Variants in KLHL24 observed in about 807,000 individuals in gnomAD.
The protein encoded by KLHL24 is kelch-like protein 24.
KLHL24 carries 29 observed loss-of-function variants against 53.4 expected under a neutral mutation model. The observed-to-expected ratio is 0.54, with a 90% confidence interval of 0.40 to 0.74. The LOEUF (loss-of-function observed/expected upper bound fraction) is 0.74, where lower values mean the gene tolerates loss of function less well. Among genes scored for constraint, KLHL24 ranks in the 30% least tolerant of loss-of-function variants. The pLI is 0.00. For synonymous variants in KLHL24, 222 were observed against 253.7 expected (o/e 0.88, Z 1.19); for missense variants, 504 against 744.0 (o/e 0.68, Z 3.75).
At position 183,650,284 on chromosome 3, in the gene KLHL24, T is replaced by C; in HGVS notation, c.-61-12T>C. ...TTTGCATATTGAAATGTTTTCCTTT[T>C]TTTACTTTTAGCCACATAAAGAAGA... On this transcript the variant is annotated splice_polypyrimidine_tract_variant and intron_variant, in intron 2 of 7. Coordinates refer to ENST00000242810, the MANE Select transcript of KLHL24 (RefSeq NM_017644.3). The surrounding 1 kb of genome is among the most constrained non-coding windows in gnomAD (Gnocchi z 4.5). 2.4e-6 allele frequency: 3 copies of C among 1,229,870 alleles called. No individual in the cohort carries two copies. The highest frequency in any genetic ancestry group is 3.4e-6 in the Non-Finnish European group (3 of 881,230). The allele number at this position is 1,229,870 out of a possible 1,614,324, so 76.2% of individuals were successfully genotyped here.
Position 183,641,493 on chromosome 3 carries a change from AAG to A in KLHL24, c.-124-1985_-124-1984del, listed in dbSNP as rs1553830683. Among the ~76,000 whole-genome samples the A allele has an allele frequency of 3.9e-5, 6 of 151,970 alleles. No homozygotes were observed. The East Asian group carries it at 1.2e-3, about 29-fold the overall frequency. ...CTGTCTCAAAAAAAAAAAAAAAAAAAAGATTTACTATATTGCAATTATTTTCT... is the reference window on the plus strand; with the variant it reads ...CTGTCTCAAAAAAAAAAAAAAAAAAAATTTACTATATTGCAATTATTTTCT... On this transcript the variant is annotated intron_variant, in intron 1 of 7. Coordinates refer to ENST00000242810, the MANE Select transcript of KLHL24 (RefSeq NM_017644.3).
At chr3:183,671,245 A>T (rs1208636151) in intron 6 of KLHL24, 23 bp downstream of exon 6, 1 of 1,586,584 alleles carries the variant, frequency 6.3e-7, no homozygotes, top group Non-Finnish European at 8.6e-7. Context: ...CTTTTAAAGA[A>T]ATTACCAATA....
chr3:183,641,358 G>T (rs929601580), intron 1 of KLHL24, among the ~76,000 whole-genome samples: 1 of 151,076 alleles, frequency 6.6e-6, no homozygotes, highest in African/African-American at 2.4e-5. Context: ...CACACCTGTA[G>T]TCCCAGCTAC....
At chr3:183,653,144 G>T (rs1401079758) in intron 3 of KLHL24, among the ~76,000 whole-genome samples, 1 of 152,112 alleles carries the variant, frequency 6.6e-6, no homozygotes, top group Non-Finnish European at 1.5e-5. Context: ...TTTATAAATT[G>T]CAGTATCACC....
chr3:183,674,378 G>C (rs1200929307), intron 7 of KLHL24, among the ~76,000 whole-genome samples: 1 of 131,810 alleles, frequency 7.6e-6, no homozygotes, highest in East Asian at 2.2e-4. Context: ...TTCTTTTTTT[G>C]AGACGGAGTT....
At chr3:183,673,888 A>G (rs1001481781) in intron 7 of KLHL24, among the ~76,000 whole-genome samples, 2 of 152,182 alleles carry the variant, frequency 1.3e-5, no homozygotes, top group Non-Finnish European at 2.9e-5. Context: ...CCAAGTCTGT[A>G]TCGCCATCAA....
chr3:183,651,892 T>C (rs1718170558), intron 3 of KLHL24, among the ~76,000 whole-genome samples: 1 of 151,178 alleles, frequency 6.6e-6, no homozygotes, highest in Non-Finnish European at 1.5e-5. Context: ...GAGGATGCTG[T>C]GAGCCATGCT....
In KLHL24 at chr3:183,663,692, A is replaced by G. The variant is rs1720114660; in HGVS notation, c.1105+50A>G. On this transcript the variant is annotated intron_variant, in intron 4 of 7. Coordinates refer to ENST00000242810, the MANE Select transcript of KLHL24 (RefSeq NM_017644.3). The surrounding 1 kb of genome is among the most constrained non-coding windows in gnomAD (Gnocchi z 4.9). ...CTACTTTTAATTTGGACACAGCTTC[A>G]TTATTTTAAACATCAACAGTGTCTT... 9.2e-7 allele frequency: 1 copy of G among 1,083,494 alleles called. No homozygotes were observed. Among genetic ancestry groups the G allele is most frequent in the Non-Finnish European group, 1.3e-6 (1 of 775,346 alleles). The allele number at this position is 1,083,494 out of a possible 1,614,324, so 67.1% of individuals were successfully genotyped here.
At position 183,682,567 on chromosome 3, in the gene KLHL24, G is replaced by A. The variant is rs1223845646; in HGVS notation, c.*3281G>A. Reference sequence around the variant, plus strand: ...ATAATCTTCAATTCATGATTCTAGAGTAAGTTTAATTTGGAAAAAGGGGCT... The same window carrying A: ...ATAATCTTCAATTCATGATTCTAGAATAAGTTTAATTTGGAAAAAGGGGCT... On this transcript the variant is annotated 3_prime_UTR_variant, in exon 8 of 8. Transcript: ENST00000242810. 1 of 152,580 alleles carries A rather than the reference G, an allele frequency of 6.6e-6. No individual in the cohort carries two copies. Among genetic ancestry groups the A allele is most frequent in the African/African-American group, 2.4e-5 (1 of 41,430 alleles). 9.5% of individuals were successfully genotyped at this position (152,580 alleles called of 1,614,324 possible).
At chr3:183,644,117 TGCAACCTCC>T (rs1156668899) in intron 2 of KLHL24, 1 of 138,986 alleles carries the variant, frequency 7.2e-6, no homozygotes, top group Non-Finnish European at 1.5e-5. Context: ...CTCGGCTCAC[TGCAACCTCC>T]GCCTCCCGGG....
At chr3:183,676,165 G>A (rs533095306) in intron 7 of KLHL24, among the ~76,000 whole-genome samples, 9 of 152,134 alleles carry the variant, frequency 5.9e-5, no homozygotes, top group Admixed American at 3.3e-4. Flanking sequence ...CATTGATCTC[G>A]GCTCACTGCA....
chr3:183,681,119 A>T lies in KLHL24; in HGVS notation c.*1833A>T, dbSNP rs1712630595. On this transcript the variant is annotated 3_prime_UTR_variant, in exon 8 of 8. Transcript: ENST00000242810. Reference sequence around the variant, plus strand: ...ATGATAGATACCATTTTGTGATAACAACAATTCAGAAAACAATTTTCTATC... The same window carrying T: ...ATGATAGATACCATTTTGTGATAACTACAATTCAGAAAACAATTTTCTATC... The T allele has an allele frequency of 6.6e-6, 1 of 152,124 alleles. No individual in the cohort carries two copies. The allele number at this position is 152,124 out of a possible 1,614,324, so 9.4% of individuals were successfully genotyped here.
At position 183,679,277 on chromosome 3, in the gene KLHL24, T is replaced by G. The variant is rs1560191578; in HGVS notation, c.1794T>G (p.Phe598Leu). 1 of 1,613,458 alleles carries G rather than the reference T, an allele frequency of 6.2e-7. No individual in the cohort carries two copies. Among genetic ancestry groups the G allele is most frequent in the East Asian group, 2.2e-5 (1 of 44,874 alleles). The change falls in exon 8 of 8, where the codon TTT becomes TTG. Residue 598 changes from phenylalanine to leucine, a missense_variant. Phe to Leu is a conservative substitution (Grantham distance 22). Coordinates refer to ENST00000242810, the MANE Select transcript of KLHL24 (RefSeq NM_017644.3). ...TTCATAGATACAATGAGAAATGCTT[T>G]AAACTCTGAAGACAGGATACCTCAC... ...VTIHRYNEKC[F>L]KL
chr3:183,680,429 A>C lies in KLHL24; in HGVS notation c.*1143A>C, dbSNP rs1377815004. 1 of 152,198 alleles carries C rather than the reference A, an allele frequency of 6.6e-6. No homozygotes were observed. The highest frequency in any genetic ancestry group is 2.4e-5 in the African/African-American group (1 of 41,446). The allele number at this position is 152,198 out of a possible 1,614,324, so 9.4% of individuals were successfully genotyped here. ...CTAGTGAACAGCTAAAATTCCTGAG[A>C]GTCTCTACTGTTAAGGTACCTTTAA... is the stretch of plus-strand genomic sequence containing the variant. On this transcript the variant is annotated 3_prime_UTR_variant, in exon 8 of 8. Coordinates refer to ENST00000242810, the MANE Select transcript of KLHL24 (RefSeq NM_017644.3).
chr3:183,663,693 T>C lies in KLHL24; in HGVS notation c.1105+51T>C, dbSNP rs1390337515. The C allele has an allele frequency of 9.3e-7, 1 of 1,080,154 alleles. No individual in the cohort carries two copies. Among genetic ancestry groups the C allele is most frequent in the Non-Finnish European group, 1.3e-6 (1 of 772,324 alleles). The allele number at this position is 1,080,154 out of a possible 1,614,324, so 66.9% of individuals were successfully genotyped here. A position where few individuals can be genotyped will look rare whatever the true frequency, so the allele number is the denominator to read the frequency against. ...TACTTTTAATTTGGACACAGCTTCATTATTTTAAACATCAACAGTGTCTTA... is the reference window on the plus strand; with the variant it reads ...TACTTTTAATTTGGACACAGCTTCACTATTTTAAACATCAACAGTGTCTTA... On this transcript the variant is annotated intron_variant, in intron 4 of 7. Transcript: ENST00000242810. The surrounding 1 kb of genome is among the most constrained non-coding windows in gnomAD (Gnocchi z 4.9).
At chr3:183,667,429 G>A (rs1465353551) in intron 5 of KLHL24, among the ~76,000 whole-genome samples, 2 of 152,142 alleles carry the variant, frequency 1.3e-5, no homozygotes, top group South Asian at 2.1e-4. Context: ...GCCACTGAGC[G>A]AGCTTTACCG....
At chr3:183,660,877 C>T (rs1329139171) in intron 3 of KLHL24, among the ~76,000 whole-genome samples, 3 of 151,374 alleles carry the variant, frequency 2.0e-5, no homozygotes, top group Non-Finnish European at 2.9e-5. Context: ...AGGAGGCTAA[C>T]ACAGTGAAAC....
chr3:183,671,165 T>C lies in KLHL24; in HGVS notation c.1356T>C (p.Cys452=), dbSNP rs762975176. The C allele has an allele frequency of 1.7e-5, 28 of 1,614,024 alleles. No individual in the cohort carries two copies. The East Asian group carries it at 2.5e-4, about 14-fold the overall frequency. Reference sequence around the variant, plus strand: ...TGAGTTCTCCTGCAGTGACTAGCTGTGTAGGCAAACTGTTTGTGATTGGTG... The same window carrying C: ...TGAGTTCTCCTGCAGTGACTAGCTGCGTAGGCAAACTGTTTGTGATTGGTG... ...EAVSSPAVTS[C]VGKLFVIGGG... Residue 452 remains cysteine, a synonymous_variant, in exon 6 of 8, where the codon TGT becomes TGC. Coordinates refer to ENST00000242810, the MANE Select transcript of KLHL24 (RefSeq NM_017644.3).
chr3:183,672,559 G>T, intron 7 of KLHL24, 75 bp downstream of exon 7: 1 of 1,070,766 alleles, frequency 9.3e-7, no homozygotes, highest in South Asian at 2.0e-5. Flanking sequence ...TAATACACTG[G>T]AATTTCAATT....
Sources: gnomAD v4.1 joint callset for allele counts (sites outside exome capture counted in the v4.1 genomes callset) on GRCh38, gnomAD v4.1.1 for gene constraint, Gnocchi (gnomAD v3.1) non-coding constraint, MANE v1.5 for transcripts, NCBI Gene and HGNC (gene_info 2026-07-23, HGNC 2026-07-21) for gene names.